The following MYO5C variants were observed in gnomAD, a reference collection of about 807,000 sequenced individuals.
MYO5C encodes the protein unconventional myosin-Vc.
A neutral mutation model predicts 235.7 loss-of-function variants in MYO5C; 194 were observed. The ratio of observed to expected loss-of-function variants is 0.82; its 90% CI spans 0.73 to 0.93. The LOEUF (loss-of-function observed/expected upper bound fraction) is 0.93. Ranked by LOEUF, MYO5C falls within the 40% of genes least tolerant of loss-of-function variation. The probability of loss-of-function intolerance (pLI) is 0.00; values close to 1 mark genes in which losing one functional copy is unlikely to be tolerated. For synonymous variants in MYO5C, 707 were observed against 754.8 expected (o/e 0.94, Z 1.04); for missense variants, 2,038 against 2,127.2 (o/e 0.96, Z 0.82).
chr15:52,283,620 T>C (rs2037203590), intron 1 of MYO5C, among the ~76,000 whole-genome samples: 1 of 152,002 alleles, frequency 6.6e-6, no homozygotes, highest in Admixed American at 6.5e-5. Context: ...CTGAGAAGGA[T>C]CTTCAGAAGG....
chr15:52,217,246 T>C (rs1392883425), intron 32 of MYO5C, among the ~76,000 whole-genome samples: 6 of 152,216 alleles, frequency 3.9e-5, no homozygotes, highest in Non-Finnish European at 5.9e-5. Flanking sequence ...GAAATGAGCA[T>C]GTCAGGCCTG....
intron 32 of MYO5C, among the ~76,000 whole-genome samples, chr15:52,216,433 G>A (rs2035554859): frequency 6.6e-6 from 1 of 152,058 alleles, no homozygotes; most frequent in Non-Finnish European, 1.5e-5. Context: ...CTGGCTGGTT[G>A]AACTCCTGGC....
chr15:52,229,069 G>A (rs771655789), intron 25 of MYO5C, 64 bp downstream of exon 25: 34 of 1,587,866 alleles, frequency 2.1e-5, no homozygotes, highest in Non-Finnish European at 2.8e-5. Context: ...TAATCTGTGG[G>A]AACTTGGAAT....
At chr15:52,256,317 G>C (rs2036576309) in intron 11 of MYO5C, among the ~76,000 whole-genome samples, 1 of 152,150 alleles carries the variant, frequency 6.6e-6, no homozygotes, top group South Asian at 2.1e-4. Context: ...CAAGTGCAAA[G>C]ACAGAGAGGC....
At chr15:52,227,768 G>A (rs573219520) in intron 25 of MYO5C, among the ~76,000 whole-genome samples, 23 of 152,284 alleles carry the variant, frequency 1.5e-4, no homozygotes, top group Non-Finnish European at 2.5e-4. Flanking sequence ...AATAGGGGAC[G>A]GGGCCCAGAA....
At chr15:52,293,781 G>A (rs1474172437) in intron 1 of MYO5C, among the ~76,000 whole-genome samples, 1 of 152,158 alleles carries the variant, frequency 6.6e-6, no homozygotes, top group African/African-American at 2.4e-5. Context: ...CACAGCCCAA[G>A]GGCGCTGCTG....
At chr15:52,283,331 T>A (rs2037198937) in intron 1 of MYO5C, among the ~76,000 whole-genome samples, 1 of 152,244 alleles carries the variant, frequency 6.6e-6, no homozygotes, top group African/African-American at 2.4e-5. Flanking sequence ...CCTGGGAGGT[T>A]AAATTAGACT....
intron 38 of MYO5C, among the ~76,000 whole-genome samples, chr15:52,198,007 T>C (rs553602137): frequency 3.7e-4 from 56 of 152,034 alleles, no homozygotes; most frequent in Non-Finnish European, 6.9e-4. Flanking sequence ...CTAAAAAAAA[T>C]TGAGTGTTGA....
At chr15:52,269,541 C>T (rs544094681) in intron 8 of MYO5C, among the ~76,000 whole-genome samples, 10 of 151,748 alleles carry the variant, frequency 6.6e-5, no homozygotes, top group South Asian at 2.1e-4. Flanking sequence ...TACAGGCACC[C>T]GCCACCACGC....
Position 52,246,031 on chromosome 15 carries a change from T to C in MYO5C, c.1991A>G (p.Lys664Arg), listed in dbSNP as rs913728634. The C allele has an allele frequency of 3.1e-6, 5 of 1,614,052 alleles. No individual in the cohort carries two copies. Among genetic ancestry groups the C allele is most frequent in the Admixed American group, 3.3e-5 (2 of 60,002 alleles). ...GGCTCGCAGCTGCTGAACAATTCTT[T>C]TGGAGTCAAATCTTTAAAAAGACAA... ...DEKLPFEFDS[K>R]RIVQQLRACG... The change falls in exon 17 of 41, where the codon AAA becomes AGA. Residue 664 changes from lysine to arginine, a missense_variant. By Grantham distance (26) the Lys-to-Arg change is conservative. Coordinates refer to ENST00000261839, the MANE Select transcript of MYO5C (RefSeq NM_018728.4).
intron 38 of MYO5C, among the ~76,000 whole-genome samples, chr15:52,198,738 C>T (rs532754716): frequency 1.1e-4 from 17 of 151,710 alleles, no homozygotes; most frequent in Admixed American, 5.9e-4. Flanking sequence ...CCTGCCACCA[C>T]GCCTGGCTAA....
intron 29 of MYO5C, among the ~76,000 whole-genome samples, chr15:52,221,590 C>T (rs1477594900): frequency 1.3e-5 from 2 of 152,078 alleles, no homozygotes; most frequent in Admixed American, 1.3e-4. Context: ...CCAGAGCCAT[C>T]GTCTCCTCAT....
intron 24 of MYO5C, among the ~76,000 whole-genome samples, chr15:52,230,812 AGCC>A (rs2035933108): frequency 6.6e-6 from 1 of 150,552 alleles, no homozygotes; most frequent in African/African-American, 2.4e-5. Context: ...AGGAAAAGGC[AGCC>A]AGAAGTCTTC....
At chr15:52,198,240 CAGGAGAATCACTT>C (rs940027460) in intron 38 of MYO5C, among the ~76,000 whole-genome samples, 19 of 152,128 alleles carry the variant, frequency 1.2e-4, no homozygotes, top group Non-Finnish European at 2.2e-4. Context: ...GAGGCTGAGA[CAGGAGAATCACTT>C]GAACCCGGGA....
In MYO5C at chr15:52,245,983, C is replaced by T. The variant is rs1034890137; in HGVS notation, c.2039G>A (p.Arg680His). The change falls in exon 17 of 41, where the codon CGC becomes CAC. Residue 680 changes from arginine to histidine, a missense_variant. By Grantham distance (29) the Arg-to-His change is conservative. Transcript: ENST00000261839. ...GGAAGGGTAGCTCTGTGCACTAATGCGAATCGTTTCTAAAACGCCGCAGGC... is the reference window on the plus strand; with the variant it reads ...GGAAGGGTAGCTCTGTGCACTAATGTGAATCGTTTCTAAAACGCCGCAGGC... ...LRACGVLETI[R>H]ISAQSYPSRW... 3.1e-6 allele frequency: 5 copies of T among 1,614,144 alleles called. No homozygotes were observed. Among genetic ancestry groups the T allele is most frequent in the Non-Finnish European group, 4.2e-6 (5 of 1,180,010 alleles).
Position 52,272,631 on chromosome 15 carries a change from TATA to T in MYO5C, c.696_698del (p.Ile233del), listed in dbSNP as rs1205844620. On this transcript the variant is annotated inframe_deletion, in exon 6 of 41. Transcript: ENST00000261839. ...GGAGGTAAGTGCTCATGTTGGCTCC[TATA>T]ATTTGATTTTGTTCATCAAAACTGA... 1.2e-6 allele frequency: 2 copies of T among 1,614,074 alleles called. No homozygotes were observed. The highest frequency in any genetic ancestry group is 1.7e-6 in the Non-Finnish European group (2 of 1,180,024).
intron 1 of MYO5C, among the ~76,000 whole-genome samples, chr15:52,290,720 A>C (rs2037370575): frequency 1.3e-5 from 2 of 152,158 alleles, no homozygotes; most frequent in Non-Finnish European, 2.9e-5. Flanking sequence ...AGATGAAAAA[A>C]CAAAACACAT....
chr15:52,268,336 G>A (rs1439352081), intron 8 of MYO5C, among the ~76,000 whole-genome samples: 18 of 152,298 alleles, frequency 1.2e-4, no homozygotes, highest in Admixed American at 2.6e-4. Flanking sequence ...AAGCCAAGGC[G>A]GGCAGATCAC....
At chr15:52,229,013 C>T in intron 25 of MYO5C, 120 bp downstream of exon 25, 1 of 1,111,014 alleles carries the variant, frequency 9.0e-7, no homozygotes, top group South Asian at 1.7e-5. Context: ...CTGAAGGAAT[C>T]AGGCTCCAGT....
Sources: gnomAD v4.1 joint callset for allele counts (sites outside exome capture counted in the v4.1 genomes callset) on GRCh38, gnomAD v4.1.1 for gene constraint, MANE v1.5 for transcripts, NCBI Gene and HGNC (gene_info 2026-07-23, HGNC 2026-07-21) for gene names.